BRSK2: variants seen among roughly 807,000 people sequenced by gnomAD.
BRSK2 encodes serine/threonine-protein kinase BRSK2.
Under a neutral mutation model 83.3 loss-of-function variants are expected in BRSK2, and 19 were observed. The observed-to-expected ratio is 0.23, with a 90% CI of 0.16 to 0.33. The LOEUF is 0.33. Among genes scored for constraint, BRSK2 ranks in the 10% least tolerant of loss-of-function variants. BRSK2 has a pLI of 1.00. For synonymous variants in BRSK2, 519 were observed against 435.4 expected, an observed-to-expected ratio of 1.19 and a Z score of -2.39; for missense variants, 798 against 1,042.3, an observed-to-expected ratio of 0.77 and a Z score of 3.23.
chr11:1,419,000 G>A (rs1013793271), intron 1 of BRSK2, among the ~76,000 whole-genome samples: 5 of 152,226 alleles, frequency 3.3e-5, no homozygotes, highest in South Asian at 2.1e-4. Context: ...TTGATTGATC[G>A]GTTGATTGAT....
At position 1,450,733 on chromosome 11, in the gene BRSK2, G is replaced by T; in HGVS notation, c.1434G>T (p.Arg478=). 1 of 1,599,796 alleles carries T rather than the reference G, an allele frequency of 6.3e-7. No homozygotes were observed. The highest frequency in any genetic ancestry group is 8.5e-7 in the Non-Finnish European group (1 of 1,175,830). Reference sequence around the variant, plus strand: ...TCGGAGGGGTGCCCTGGAGGGCGCGGCTCAACTCCATCAAGAACAGCTTTC... The same window carrying T: ...TCGGAGGGGTGCCCTGGAGGGCGCGTCTCAACTCCATCAAGAACAGCTTTC... ...PSVGGVPWRA[R]LNSIKNSFLG... is the part of the protein sequence containing the mutation. Residue 478 remains arginine, a synonymous_variant, in exon 14 of 20, where the codon CGG becomes CGT. Transcript: ENST00000528841.
intron 3 of BRSK2, among the ~76,000 whole-genome samples, chr11:1,439,703 G>C (rs1205186356): frequency 6.6e-6 from 1 of 151,026 alleles, no homozygotes; most frequent in African/African-American, 2.4e-5. Flanking sequence ...GGGCCTGGCC[G>C]CCCCCCTGCC....
rs1386404038 is a variant in BRSK2 at position 1,445,152 on chromosome 11, G to A, written c.813-142G>A. The A allele has an allele frequency of 2.7e-6, 4 of 1,457,416 alleles. No individual in the cohort carries two copies. In the East Asian group the frequency reaches 9.1e-5, roughly 33 times the overall value. The allele number at this position is 1,457,416 out of a possible 1,614,324, so 90.3% of individuals were successfully genotyped here. A position where few individuals can be genotyped will look rare whatever the true frequency, so the allele number is the denominator to read the frequency against. Reference sequence around the variant, plus strand: ...GGCCTGCGCTGGGTGCGGGGTGCGGGCAGGACGCAGGAGGCCTCCCCGGGC... The same window carrying A: ...GGCCTGCGCTGGGTGCGGGGTGCGGACAGGACGCAGGAGGCCTCCCCGGGC... On this transcript the variant is annotated intron_variant, in intron 9 of 19. Coordinates refer to ENST00000528841, the MANE Select transcript of BRSK2 (RefSeq NM_001256627.2).
chr11:1,456,263 GC>G, intron 16 of BRSK2, 84 bp from the exon 17 acceptor site: 1 of 1,367,302 alleles, frequency 7.3e-7, no homozygotes, highest in Non-Finnish European at 9.8e-7. Flanking sequence ...GCACGGTGGG[GC>G]TGGCTCGCCC....
In BRSK2 at chr11:1,444,986, A is replaced by C. The variant is rs1483201217; in HGVS notation, c.796A>C (p.Lys266Gln). The change falls in exon 9 of 20, where the codon AAA becomes CAA. Residue 266 changes from lysine to glutamine, a missense_variant. By Grantham distance (53) the Lys-to-Gln change is moderately conservative (BLOSUM62 1). Around this residue, in one of 6 missense-constraint regions of BRSK2, gnomAD observed 145 missense variants for 225.4 expected, o/e 0.64. Transcript: ENST00000528841. ...ARRLTLEHIQKHIWYIGGKNE... is the reference protein window; with the variant it reads ...ARRLTLEHIQQHIWYIGGKNE... Reference sequence around the variant, plus strand: ...TTCCTTGTAGCTAGAGCACATTCAGAAACACATATGGTATATGTAAGTAGC... The same window carrying C: ...TTCCTTGTAGCTAGAGCACATTCAGCAACACATATGGTATATGTAAGTAGC... 1 of 1,613,304 alleles carries C rather than the reference A, an allele frequency of 6.2e-7. No individual in the cohort carries two copies. The highest frequency in any genetic ancestry group is 1.3e-5 in the African/African-American group (1 of 74,926).
intron 4 of BRSK2, 35 bp downstream of exon 4, chr11:1,440,963 G>T: frequency 6.4e-7 from 1 of 1,551,070 alleles, no homozygotes; most frequent in African/African-American, 1.6e-5. Context: ...CCACTCCCCA[G>T]GGACCCCCAC....
At chr11:1,391,680 C>T (rs1309526159) in intron 1 of BRSK2, among the ~76,000 whole-genome samples, 1 of 152,162 alleles carries the variant, frequency 6.6e-6, no homozygotes, top group Non-Finnish European at 1.5e-5. Context: ...GCCCATGTCA[C>T]CTGAGTTCAA....
chr11:1,456,764 C>A, intron 18 of BRSK2, 77 bp downstream of exon 18: 1 of 1,453,370 alleles, frequency 6.9e-7, no homozygotes, highest in South Asian at 1.2e-5. Flanking sequence ...GGACGGGAGG[C>A]GTGAGGACCC....
rs1467881034 is a variant in BRSK2, at chr11:1,445,652, C to T, written c.1059C>T (p.Pro353=). The T allele has an allele frequency of 6.3e-7, 1 of 1,595,600 alleles. No homozygotes were observed. The highest frequency in any genetic ancestry group is 1.8e-5 in the Admixed American group (1 of 57,064). ...RYPSQEDEDL[P]PRNEIDPPRK... ...CGAGCCAGGAGGATGAGGACCTGCC[C>T]CCCCGGAACGAGATAGGTATGGGTC... The change falls in exon 11 of 20, where the codon CCC becomes CCT. Residue 353 remains proline (P), a synonymous_variant. Transcript: ENST00000528841.
intron 19 of BRSK2, among the ~76,000 whole-genome samples, chr11:1,459,622 C>G (rs1027514270): frequency 5.3e-5 from 8 of 152,194 alleles, no homozygotes; most frequent in Non-Finnish European, 1.2e-4. Flanking sequence ...AGCGGAGGGG[C>G]CCACAGCTCA....
intron 5 of BRSK2, 143 bp from the exon 6 acceptor site, chr11:1,442,963 C>T (rs775070112): frequency 3.8e-4 from 385 of 1,012,202 alleles, no homozygotes; most frequent in East Asian, 4.8e-4. Flanking sequence ...CCCAAAAGCC[C>T]GCCTGGGGAT....
chr11:1,455,704 C>T (rs1003214612), intron 16 of BRSK2, among the ~76,000 whole-genome samples: 4 of 152,088 alleles, frequency 2.6e-5, no homozygotes, highest in African/African-American at 9.7e-5. Flanking sequence ...TCACCACATC[C>T]CTTCATGCTG....
intron 2 of BRSK2, among the ~76,000 whole-genome samples, chr11:1,436,717 G>A (rs913158631): frequency 3.9e-4 from 60 of 152,174 alleles, no homozygotes; most frequent in Admixed American, 9.2e-4. Flanking sequence ...CAGCTGCTCC[G>A]GGTCCCACCC....
intron 1 of BRSK2, among the ~76,000 whole-genome samples, chr11:1,415,794 C>T (rs1277433756): frequency 8.1e-6 from 1 of 124,016 alleles, no homozygotes; most frequent in Non-Finnish European, 1.8e-5. Flanking sequence ...AGGACTTGGT[C>T]CCAGCAGAGG....
rs748939987 is a variant in BRSK2, at chr11:1,460,558, C to A, written c.2046C>A (p.Asn682Lys). 9 of 1,526,954 alleles carry A rather than the reference C, an allele frequency of 5.9e-6. No individual in the cohort carries two copies. The highest frequency in any genetic ancestry group is 6.1e-6 in the Non-Finnish European group (7 of 1,143,226). 94.6% of individuals were successfully genotyped at this position (1,526,954 alleles called of 1,614,324 possible). Residue 682 changes from asparagine (N) to lysine (K), a missense_variant, in exon 20 of 20, where the codon AAC (asparagine) becomes AAA (lysine). Physicochemically the swap from Asn to Lys is moderately conservative, Grantham distance 94 (BLOSUM62 0). Transcript: ENST00000528841. ...AACAACTTTTTTCAGACGAGAAGAA[C>A]GGGCAGGCGGCCCAGGCCCCCAGCA... The part of the protein sequence containing the change: ...VIKQLFSDEK[N>K]GQAAQAPSTP...
intron 1 of BRSK2, among the ~76,000 whole-genome samples, chr11:1,419,930 G>C (rs189712605): frequency 7.2e-5 from 11 of 152,186 alleles, no homozygotes; most frequent in Non-Finnish European, 1.5e-4. Context: ...ACAGAAACAA[G>C]AATGTTTGAA....
chr11:1,422,881 A>G (rs1848768485), intron 1 of BRSK2, among the ~76,000 whole-genome samples: 1 of 152,322 alleles, frequency 6.6e-6, no homozygotes, highest in South Asian at 2.1e-4. Flanking sequence ...CTGCCCACCC[A>G]GCAAGCCCCA....
chr11:1,425,381 G>A (rs1849095443), intron 1 of BRSK2, among the ~76,000 whole-genome samples: 1 of 152,198 alleles, frequency 6.6e-6, no homozygotes, highest in African/African-American at 2.4e-5. Context: ...TGCCAGACAT[G>A]CCCACTGAGC....
At chr11:1,408,532 C>G (rs1194885940) in intron 1 of BRSK2, among the ~76,000 whole-genome samples, 1 of 152,198 alleles carries the variant, frequency 6.6e-6, no homozygotes, top group Non-Finnish European at 1.5e-5. Flanking sequence ...CACCTGAGTG[C>G]TATGGCCACT....
Sources: allele counts gnomAD v4.1 joint callset (sites outside exome capture counted in the v4.1 genomes callset), GRCh38; gene constraint gnomAD v4.1.1; regional missense constraint gnomAD v4.1.1; transcripts MANE v1.5; gene names NCBI Gene and HGNC (gene_info 2026-07-23, HGNC 2026-07-21).